Variants in LYPLA1 observed in about 807,000 individuals in gnomAD.
The protein encoded by LYPLA1 is lysophospholipase 1.
In LYPLA1, 17 loss-of-function variants were observed where a neutral mutation model predicts 34.0. The ratio of observed to expected loss-of-function variants is 0.50; its 90% CI spans 0.34 to 0.75. The LOEUF is 0.75. Among genes scored for constraint, LYPLA1 ranks in the 30% least tolerant of loss-of-function variants. The pLI, the probability that LYPLA1 is intolerant of heterozygous loss-of-function variation, is 0.01. For synonymous variants in LYPLA1, 98 were observed against 100.8 expected (o/e 0.97, Z 0.17); for missense variants, 203 against 288.8 (o/e 0.70, Z 2.15).
intron 2 of LYPLA1, among the ~76,000 whole-genome samples, chr8:54,081,918 T>C (rs1225113526): frequency 6.6e-6 from 1 of 151,880 alleles, no homozygotes; most frequent in Non-Finnish European, 1.5e-5. Flanking sequence ...TTAGTAGAGA[T>C]GGGGTTTCGC....
intron 2 of LYPLA1, among the ~76,000 whole-genome samples, chr8:54,087,645 T>A (rs1586165667): frequency 6.6e-6 from 1 of 152,204 alleles, no homozygotes; most frequent in African/African-American, 2.4e-5. Flanking sequence ...GTCCAGACAA[T>A]ATAAACAATT....
chr8:54,062,139 T>C (rs1251822975), intron 5 of LYPLA1, 115 bp downstream of exon 5: 1 of 699,540 alleles, frequency 1.4e-6, no homozygotes, highest in Non-Finnish European at 2.4e-6. Context: ...ATTACAGGCG[T>C]GAGCCACCGT....
intron 3 of LYPLA1, among the ~76,000 whole-genome samples, chr8:54,063,626 C>T (rs1347411556): frequency 6.6e-6 from 1 of 152,202 alleles, no homozygotes; most frequent in Non-Finnish European, 1.5e-5. Context: ...TCTCAACACC[C>T]TTACTTACTA....
At chr8:54,056,074 G>A (rs764472135) in intron 5 of LYPLA1, among the ~76,000 whole-genome samples, 24 of 152,040 alleles carry the variant, frequency 1.6e-4, no homozygotes, top group Non-Finnish European at 2.8e-4. Context: ...AAACTGCATG[G>A]TACTGGCATA....
intron 2 of LYPLA1, among the ~76,000 whole-genome samples, chr8:54,085,856 G>T (rs975813283): frequency 1.3e-5 from 2 of 150,234 alleles, no homozygotes; most frequent in Non-Finnish European, 3.0e-5. Flanking sequence ...CGCGAGGTGG[G>T]GGGGGCGCCT....
Position 54,101,740 on chromosome 8 carries a change from G to GAGA in LYPLA1, c.69+14_69+15insTCT. The GAGA allele has an allele frequency of 7.7e-7, 1 of 1,300,088 alleles. No individual in the cohort carries two copies. The highest frequency in any genetic ancestry group is 2.5e-5 in the South Asian group (1 of 39,266). 80.5% of individuals were successfully genotyped at this position (1,300,088 alleles called of 1,614,324 possible). On this transcript the variant is annotated intron_variant, in intron 1 of 8. Coordinates refer to ENST00000316963, the MANE Select transcript of LYPLA1 (RefSeq NM_006330.4). ...GCCCAGTGGACCCCTCCGAGCCCAC[G>GAGA]CCTACGCCACTCACCGCAGCGGTGG...
downstream of LYPLA1, among the ~76,000 whole-genome samples, chr8:54,045,245 A>G (rs1035340271): frequency 3.3e-5 from 5 of 152,256 alleles, no homozygotes; most frequent in South Asian, 2.1e-4. Flanking sequence ...AGGAATTTCT[A>G]CAAAATAAAA....
downstream of LYPLA1, among the ~76,000 whole-genome samples, chr8:54,045,944 C>A (rs895521734): frequency 6.6e-6 from 1 of 152,004 alleles, no homozygotes; most frequent in African/African-American, 2.4e-5. Context: ...TCCTGTAATC[C>A]CAGCTACTTA....
chr8:54,084,215 A>T (rs1184459907), intron 2 of LYPLA1, among the ~76,000 whole-genome samples: 6 of 149,370 alleles, frequency 4.0e-5, no homozygotes, highest in African/African-American at 1.5e-4. Flanking sequence ...AAAAAAACCA[A>T]AACCAAAAAA....
At chr8:54,051,949 C>T (rs866959754) in intron 7 of LYPLA1, among the ~76,000 whole-genome samples, 1 of 151,218 alleles carries the variant, frequency 6.6e-6, no homozygotes, top group South Asian at 2.1e-4. Flanking sequence ...CTCCTGGGTT[C>T]AAGTGATTCT....
chr8:54,087,094 C>G (rs1179418896), intron 2 of LYPLA1, among the ~76,000 whole-genome samples: 1 of 152,146 alleles, frequency 6.6e-6, no homozygotes, highest in East Asian at 1.9e-4. Flanking sequence ...AAAATTCCCT[C>G]TCATGATCTT....
At chr8:54,054,184 TG>T in intron 6 of LYPLA1, among the ~76,000 whole-genome samples, 1 of 152,240 alleles carries the variant, frequency 6.6e-6, no homozygotes, top group Admixed American at 6.5e-5. Flanking sequence ...GGTTTCACCA[TG>T]TTGGCTGGGC....
At chr8:54,046,231 A>G (rs947356711), downstream of LYPLA1, 3 of 152,202 alleles carry the variant, frequency 2.0e-5, no homozygotes, top group African/African-American at 7.2e-5. Flanking sequence ...GCCTGGTTCC[A>G]TTCTAAGTCA....
intron 7 of LYPLA1, 28 bp from the exon 8 acceptor site, chr8:54,051,216 T>C (rs1425498191): frequency 6.4e-7 from 1 of 1,564,254 alleles, no homozygotes; most frequent in African/African-American, 1.4e-5. Flanking sequence ...AGAAATAGTT[T>C]TATTTTTGTA....
At chr8:54,086,555 C>CAAA (rs1220626412) in intron 2 of LYPLA1, among the ~76,000 whole-genome samples, 6 of 64,564 alleles carry the variant, frequency 9.3e-5, no homozygotes, top group Non-Finnish European at 1.2e-4. Flanking sequence ...CAAAGGGTAC[C>CAAA]AAAAAAAAAA....
At chr8:54,081,353 T>G (rs899664293) in intron 2 of LYPLA1, among the ~76,000 whole-genome samples, 37 of 152,126 alleles carry the variant, frequency 2.4e-4, no homozygotes, top group African/African-American at 8.7e-4. Flanking sequence ...CCCTACTATA[T>G]ACACAGTTTT....
chr8:54,101,549 G>A, intron 1 of LYPLA1: 1 of 1,147,312 alleles, frequency 8.7e-7, no homozygotes, highest in African/African-American at 1.6e-5. Context: ...GAGGAGCTGG[G>A]GACTGGCCCT....
intron 2 of LYPLA1, among the ~76,000 whole-genome samples, chr8:54,099,005 T>C (rs1809904097): frequency 6.6e-6 from 1 of 152,216 alleles, no homozygotes; most frequent in African/African-American, 2.4e-5. Flanking sequence ...AGAAGGATAC[T>C]TTTTTAATAT....
chr8:54,091,024 G>T lies in LYPLA1; in HGVS notation c.101+9884C>A, dbSNP rs181811862. On this transcript the variant is annotated intron_variant, in intron 2 of 8. Coordinates refer to ENST00000316963, the MANE Select transcript of LYPLA1 (RefSeq NM_006330.4). Reference sequence around the variant, plus strand: ...TTTTCTTTATAAATTACCCAGTTTCGGTAATTATTTATAGCAGCAAGAGAA... The same window carrying T: ...TTTTCTTTATAAATTACCCAGTTTCTGTAATTATTTATAGCAGCAAGAGAA... 3.3e-5 allele frequency among the ~76,000 whole-genome samples: 5 copies of T among 152,102 alleles called. No homozygotes were observed. In the East Asian group the frequency reaches 9.7e-4, roughly 29 times the overall value.
Sources: gnomAD v4.1 joint callset for allele counts (sites outside exome capture counted in the v4.1 genomes callset) on GRCh38, gnomAD v4.1.1 for gene constraint, MANE v1.5 for transcripts, NCBI Gene and HGNC (gene_info 2026-07-23, HGNC 2026-07-21) for gene names.